Variants in UBR1 observed in about 807,000 individuals in gnomAD.
UBR1 encodes ubiquitin protein ligase E3 component n-recognin 1.
UBR1 carries 102 observed loss-of-function variants against 242.1 expected under a neutral mutation model. The ratio of observed to expected loss-of-function variants is 0.42; its 90% CI spans 0.36 to 0.50. UBR1 has a LOEUF of 0.50. UBR1 is among the 20% of genes least tolerant of loss of function. The pLI is 0.01. For missense variants in UBR1, 1,772 were observed against 2,101.8 expected, an observed-to-expected ratio of 0.84 and a Z score of 3.07; for synonymous variants, 675 against 684.8, an observed-to-expected ratio of 0.99 and a Z score of 0.22.
intron 42 of UBR1, among the ~76,000 whole-genome samples, chr15:42,962,191 CAG>C (rs2032034708): frequency 6.6e-6 from 1 of 151,938 alleles, no homozygotes; most frequent in Non-Finnish European, 1.5e-5. Flanking sequence ...ACTAGAAAAA[CAG>C]AAACCATTCT....
rs114611942 is a variant in UBR1, at chr15:42,982,842, C to T, written c.4150+1055G>A. 5.4e-3 allele frequency among the ~76,000 whole-genome samples: 819 copies of T among 152,168 alleles called. 7 individuals carry two copies. Among genetic ancestry groups the T allele is most frequent in the African/African-American group, 0.019 (782 of 41,528 alleles). ...GGTAGAAATATATCTGGGAAGTGCA[C>T]GCTGAAACTACCCTACTCGTGACAT... is the stretch of plus-strand genomic sequence containing the variant. On this transcript the variant is annotated intron_variant, in intron 37 of 46. Coordinates refer to ENST00000290650, the MANE Select transcript of UBR1 (RefSeq NM_174916.3).
intron 3 of UBR1, among the ~76,000 whole-genome samples, chr15:43,080,584 C>T (rs1336970194): frequency 6.6e-6 from 1 of 152,174 alleles, no homozygotes; most frequent in Non-Finnish European, 1.5e-5. Flanking sequence ...TATGTATGTA[C>T]CACAGTTTTT....
chr15:43,015,130 G>T (rs1396926385), intron 29 of UBR1, among the ~76,000 whole-genome samples: 1 of 152,206 alleles, frequency 6.6e-6, no homozygotes. Context: ...CCACCACCCC[G>T]TCTGGGAGGT....
At chr15:43,104,122 C>T (rs2034269336) in intron 1 of UBR1, among the ~76,000 whole-genome samples, 1 of 152,142 alleles carries the variant, frequency 6.6e-6, no homozygotes, top group Admixed American at 6.5e-5. Context: ...CTATATTACA[C>T]AATCTACCTA....
At chr15:43,040,033 T>C (rs2033395524) in intron 15 of UBR1, among the ~76,000 whole-genome samples, 1 of 152,140 alleles carries the variant, frequency 6.6e-6, no homozygotes, top group Admixed American at 6.5e-5. Context: ...CCAAGGTAAT[T>C]TATAGATTTA....
At chr15:43,054,595 C>T (rs1010761863) in intron 12 of UBR1, 147 bp downstream of exon 12, 72 of 891,140 alleles carry the variant, frequency 8.1e-5, no homozygotes, top group African/African-American at 7.6e-4. Context: ...CATTTATTAA[C>T]GCGAGGCAGT....
At chr15:42,975,417 C>T (rs2032273074) in intron 39 of UBR1, among the ~76,000 whole-genome samples, 1 of 147,858 alleles carries the variant, frequency 6.8e-6, no homozygotes, top group Admixed American at 7.1e-5. Flanking sequence ...AAGAATCTCC[C>T]ATCGATGGAC....
At chr15:43,067,773 G>T in intron 6 of UBR1, 125 bp downstream of exon 6, 1 of 1,040,728 alleles carries the variant, frequency 9.6e-7, no homozygotes, top group Non-Finnish European at 1.4e-6. Flanking sequence ...AATTTACCTA[G>T]GATGTAAGGA....
intron 41 of UBR1, among the ~76,000 whole-genome samples, chr15:42,965,148 A>G (rs1455507040): frequency 2.0e-5 from 3 of 152,196 alleles, no homozygotes; most frequent in African/African-American, 7.2e-5. Flanking sequence ...ATACAAGACC[A>G]TGAAAAACCT....
At chr15:42,959,490 T>C (rs1390424385) in intron 43 of UBR1, among the ~76,000 whole-genome samples, 1 of 152,234 alleles carries the variant, frequency 6.6e-6, no homozygotes, top group Non-Finnish European at 1.5e-5. Flanking sequence ...CTTTATGTTA[T>C]AATGTCTTAA....
chr15:43,063,461 A>C (rs2033712835), intron 6 of UBR1, among the ~76,000 whole-genome samples: 1 of 152,078 alleles, frequency 6.6e-6, no homozygotes, highest in Non-Finnish European at 1.5e-5. Flanking sequence ...ATCTACCAAG[A>C]TTTTCCCTTA....
chr15:43,057,779 A>G (rs1251138725), intron 10 of UBR1, among the ~76,000 whole-genome samples: 1 of 152,200 alleles, frequency 6.6e-6, no homozygotes, highest in African/African-American at 2.4e-5. Context: ...GACTGAATGC[A>G]TATGTGAATG....
chr15:43,059,943 G>C (rs1447521488), intron 7 of UBR1, 109 bp downstream of exon 7: 1 of 1,545,270 alleles, frequency 6.5e-7, no homozygotes, highest in East Asian at 2.2e-5. Flanking sequence ...TCTGCATCTA[G>C]GTGCCCCAAA....
chr15:43,082,556 G>C, intron 3 of UBR1, 82 bp downstream of exon 3: 1 of 1,041,162 alleles, frequency 9.6e-7, no homozygotes, highest in East Asian at 2.5e-5. Flanking sequence ...GTTATAGCAG[G>C]AATGTGAATA....
At chr15:43,075,566 T>C (rs1039945403) in intron 3 of UBR1, among the ~76,000 whole-genome samples, 55 of 151,998 alleles carry the variant, frequency 3.6e-4, no homozygotes, top group African/African-American at 1.3e-3. Flanking sequence ...ATTAGGTATA[T>C]CTCCCAATGC....
chr15:43,092,790 G>A (rs549445279), intron 1 of UBR1, among the ~76,000 whole-genome samples: 1 of 152,300 alleles, frequency 6.6e-6, no homozygotes, highest in African/African-American at 2.4e-5. Context: ...TTGACCTTGT[G>A]ATCCGCCTGC....
chr15:43,023,201 A>G (rs1284711085), intron 25 of UBR1, among the ~76,000 whole-genome samples: 3 of 152,176 alleles, frequency 2.0e-5, no homozygotes, highest in African/African-American at 7.2e-5. Context: ...TAGAAGTATA[A>G]AAATAAGAAA....
At chr15:43,023,998 A>G (rs2033146145) in intron 25 of UBR1, among the ~76,000 whole-genome samples, 1 of 152,222 alleles carries the variant, frequency 6.6e-6, no homozygotes, top group Non-Finnish European at 1.5e-5. Context: ...TATCCATACA[A>G]TGGACTACGC....
chr15:43,054,675 A>G (rs2033594865), intron 12 of UBR1, 67 bp downstream of exon 12: 2 of 1,560,724 alleles, frequency 1.3e-6, no homozygotes, highest in Admixed American at 1.7e-5. Context: ...AGGATTACTT[A>G]TAAGACACAG....
Sources: allele counts gnomAD v4.1 joint callset (sites outside exome capture counted in the v4.1 genomes callset), GRCh38; gene constraint gnomAD v4.1.1; transcripts MANE v1.5; gene names NCBI Gene and HGNC (gene_info 2026-07-23, HGNC 2026-07-21).